Variants in HSD11B1 observed in about 807,000 individuals in gnomAD.
HSD11B1 encodes hydroxysteroid 11-beta dehydrogenase 1.
HSD11B1 carries 15 observed loss-of-function variants against 22.1 expected under a neutral mutation model. That is an observed-to-expected ratio of 0.68 (90% confidence interval 0.45 to 1.04). The LOEUF (loss-of-function observed/expected upper bound fraction) is 1.04. Ranked by LOEUF, HSD11B1 falls within the 50% of genes least tolerant of loss-of-function variation. The probability of loss-of-function intolerance (pLI) is 0.00; values close to 1 mark genes in which losing one functional copy is unlikely to be tolerated. For missense variants in HSD11B1, 281 were observed against 357.6 expected (o/e 0.79, Z 1.73); for synonymous variants, 122 against 125.2 (o/e 0.97, Z 0.17).
chr1:209,700,625 C>CA (rs2076821014), upstream of HSD11B1, among the ~76,000 whole-genome samples: 1 of 152,252 alleles, frequency 6.6e-6, no homozygotes, highest in South Asian at 2.1e-4. Flanking sequence ...GCTACGTATG[C>CA]AAATTTCAGC....
chr1:209,707,050 T>C lies in HSD11B1; in HGVS notation c.439T>C (p.Tyr147His). 1 of 1,614,106 alleles carries C rather than the reference T, an allele frequency of 6.2e-7. No individual in the cohort carries two copies. The highest frequency in any genetic ancestry group is 1.7e-4 in the Middle Eastern group (1 of 6,060). ...AAGCATGGAAGTCAACTTCCTCAGT[T>C]ACGTGGTCCTGACTGTAGCTGCCTT... The part of the protein sequence containing the change: ...RKSMEVNFLS[Y>H]VVLTVAALPM... Residue 147 changes from tyrosine to histidine, a missense_variant, in exon 4 of 6, where the codon TAC becomes CAC. Physicochemically the swap from Tyr to His is moderately conservative, Grantham distance 83 (BLOSUM62 2). Transcript: ENST00000367027.
chr1:209,689,266 G>T (rs930018015), intron 1 of HSD11B1, among the ~76,000 whole-genome samples: 1 of 152,062 alleles, frequency 6.6e-6, no homozygotes, highest in African/African-American at 2.4e-5. Context: ...CTAAGCAGAA[G>T]AATTAAGGAT....
Position 209,706,890 on chromosome 1 carries a change from A to G in HSD11B1, c.332-53A>G. On this transcript the variant is annotated intron_variant, in intron 3 of 5. Coordinates refer to ENST00000367027, the MANE Select transcript of HSD11B1 (RefSeq NM_005525.4). This position sits in a 1 kb window ranked among gnomAD's most constrained non-coding sequence, Gnocchi z 4.0. ...GGTCACCAAGAGCTTTTGGGAGGAG[A>G]ATGGGAAAGGTATCAACCCCAGATG... is the stretch of plus-strand genomic sequence containing the variant. 6.2e-7 allele frequency: 1 copy of G among 1,609,062 alleles called. No homozygotes were observed. Among genetic ancestry groups the G allele is most frequent in the Non-Finnish European group, 8.5e-7 (1 of 1,175,348 alleles).
chr1:209,705,841 C>G lies in HSD11B1; in HGVS notation c.119C>G (p.Thr40Arg). 6.2e-7 allele frequency: 1 copy of G among 1,613,964 alleles called. No homozygotes were observed. The highest frequency in any genetic ancestry group is 8.5e-7 in the Non-Finnish European group (1 of 1,179,888). ...EMLQGKKVIV[T>R]GASKGIGREM... is the part of the protein sequence containing the mutation. ...CTCCAAGGAAAGAAAGTGATTGTCA[C>G]AGGGGCCAGCAAAGGGATCGGAAGA... Residue 40 changes from threonine to arginine, a missense_variant, in exon 2 of 6, where the codon ACA becomes AGA. Physicochemically the swap from Thr to Arg is moderately conservative, Grantham distance 71 (BLOSUM62 -1). Coordinates refer to ENST00000367027, the MANE Select transcript of HSD11B1 (RefSeq NM_005525.4).
intron 1 of HSD11B1, among the ~76,000 whole-genome samples, chr1:209,693,718 C>A (rs1229198909): frequency 6.6e-6 from 1 of 152,192 alleles, no homozygotes; most frequent in South Asian, 2.1e-4. Flanking sequence ...TGCATTTGAG[C>A]ATTTGAATGA....
chr1:209,718,638 T>C (rs1383043913), intron 4 of HSD11B1, among the ~76,000 whole-genome samples: 1 of 152,118 alleles, frequency 6.6e-6, no homozygotes, highest in African/African-American at 2.4e-5. Flanking sequence ...GAATGTAAAA[T>C]GGTACAGTCA....
chr1:209,688,087 G>A (rs550665599), intron 1 of HSD11B1, among the ~76,000 whole-genome samples: 1 of 152,280 alleles, frequency 6.6e-6, no homozygotes, highest in East Asian at 1.9e-4. Context: ...CCAGGATCAG[G>A]CTCTGGAGAG....
At chr1:209,705,117 TG>T in intron 1 of HSD11B1, 87 bp downstream of exon 1, 2 of 1,055,778 alleles carry the variant, frequency 1.9e-6, no homozygotes, top group Non-Finnish European at 3.0e-6. Flanking sequence ...GATGTGTTCT[TG>T]ATCCTCAAAG....
intron 4 of HSD11B1, among the ~76,000 whole-genome samples, chr1:209,726,428 C>T (rs1184858670): frequency 3.3e-5 from 5 of 151,534 alleles, no homozygotes; most frequent in Non-Finnish European, 7.4e-5. Flanking sequence ...CATAGTAAGA[C>T]GTTGTCTCTA....
At chr1:209,726,490 C>T (rs2077003462) in intron 4 of HSD11B1, among the ~76,000 whole-genome samples, 3 of 152,054 alleles carry the variant, frequency 2.0e-5, no homozygotes, top group Non-Finnish European at 1.5e-5. Context: ...TCTGTAATCC[C>T]AGCAACTCAG....
Position 209,732,567 on chromosome 1 carries a change from C to T in HSD11B1, c.649C>T (p.Leu217Phe). The stretch of plus-strand genomic sequence containing the variant: ...ATCAATCACTCTCTGTGTTCTTGGC[C>T]TCATAGACACAGGTAAGGTCAATAC... The part of the protein sequence containing the change: ...NVSITLCVLG[L>F]IDTETAMKAV... Residue 217 changes from leucine (L) to phenylalanine (F), a missense_variant, in exon 5 of 6, where the codon CTC (leucine) becomes TTC (phenylalanine). Physicochemically the swap from Leu to Phe is conservative, Grantham distance 22 (BLOSUM62 0). Coordinates refer to ENST00000367027, the MANE Select transcript of HSD11B1 (RefSeq NM_005525.4). 6.2e-7 allele frequency: 1 copy of T among 1,613,156 alleles called. No homozygotes were observed. Among genetic ancestry groups the T allele is most frequent in the African/African-American group, 1.3e-5 (1 of 74,956 alleles).
chr1:209,726,640 AATTTTTCAGGTGGTCTTCTGACATGT>A (rs1375358199), intron 4 of HSD11B1, among the ~76,000 whole-genome samples: 1 of 152,142 alleles, frequency 6.6e-6, no homozygotes, highest in East Asian at 1.9e-4. Context: ...CCATGTCATG[AATTTTTCAGGTGGTCTTCTGACATGT>A]CTGGCTCCTT....
chr1:209,706,780 C>T lies in HSD11B1; in HGVS notation c.291C>T (p.Thr97=). ...TTGCTGGCACCATGGAAGACATGAC[C>T]TTCGCAGAGCAATTTGTTGCCCAAG... ...HYIAGTMEDM[T]FAEQFVAQAG... is the part of the protein sequence containing the mutation. The change falls in exon 3 of 6, where the codon ACC becomes ACT. Residue 97 remains threonine, a synonymous_variant. Transcript: ENST00000367027. The surrounding 1 kb of genome is among the most constrained non-coding windows in gnomAD (Gnocchi z 4.0). 11 of 1,614,114 alleles carry T rather than the reference C, an allele frequency of 6.8e-6. No individual in the cohort carries two copies. The highest frequency in any genetic ancestry group is 2.2e-5 in the East Asian group (1 of 44,872).
At chr1:209,717,572 T>C (rs893282813) in intron 4 of HSD11B1, among the ~76,000 whole-genome samples, 1 of 151,830 alleles carries the variant, frequency 6.6e-6, no homozygotes, top group Admixed American at 6.6e-5. Flanking sequence ...AGAAAGAAAA[T>C]TGGCCAGGTG....
At chr1:209,733,810 A>T (rs2077050076) in intron 5 of HSD11B1, among the ~76,000 whole-genome samples, 1 of 152,194 alleles carries the variant, frequency 6.6e-6, no homozygotes, top group African/African-American at 2.4e-5. Flanking sequence ...CAAGATGGAC[A>T]TGAAAACTTG....
Position 209,690,309 on chromosome 1 carries a change from AAAT to A in HSD11B1, c.-49+4036_-49+4038del, listed in dbSNP as rs767383228. On this transcript the variant is annotated intron_variant, in intron 1 of 6. Coordinates refer to the HSD11B1 transcript ENST00000261465. ...CAACAGAGTGAGACCCTGTCTCAAA[AAAT>A]AATAATAATAAGATAAAATAAAGAA... is the stretch of plus-strand genomic sequence containing the variant. Among the ~76,000 whole-genome samples, 17 of 152,332 alleles carry A rather than the reference AAAT, an allele frequency of 1.1e-4. No homozygotes were observed. In the South Asian group the frequency reaches 1.2e-3, roughly 11 times the overall value.
At chr1:209,699,613 C>T (rs1433562356) in intron 1 of HSD11B1, among the ~76,000 whole-genome samples, 1 of 152,140 alleles carries the variant, frequency 6.6e-6, no homozygotes, top group Non-Finnish European at 1.5e-5. Context: ...CCCCTGGCCC[C>T]TCCAAATCTC....
intron 4 of HSD11B1, among the ~76,000 whole-genome samples, chr1:209,731,570 C>A (rs2102401394): frequency 6.6e-6 from 1 of 152,314 alleles, no homozygotes; most frequent in South Asian, 2.1e-4. Context: ...CACTTCTACT[C>A]TCCCCTCCTA....
At chr1:209,688,752 T>C (rs1330315027) in intron 1 of HSD11B1, among the ~76,000 whole-genome samples, 4 of 152,218 alleles carry the variant, frequency 2.6e-5, no homozygotes, top group African/African-American at 9.7e-5. Context: ...CAGACATTAA[T>C]TTCTGCATCC....
Sources: allele counts gnomAD v4.1 joint callset (sites outside exome capture counted in the v4.1 genomes callset), GRCh38; gene constraint gnomAD v4.1.1; non-coding constraint Gnocchi (gnomAD v3.1); transcripts MANE v1.5; gene names NCBI Gene and HGNC (gene_info 2026-07-23, HGNC 2026-07-21).